Variants in GAA observed in about 807,000 individuals in gnomAD.
GAA encodes lysosomal alpha-glucosidase.
In GAA, 88 loss-of-function variants were observed where a neutral mutation model predicts 103.9. That is an observed-to-expected ratio of 0.85 (90% CI 0.71 to 1.01). GAA has a LOEUF of 1.01. GAA is among the 50% of genes least tolerant of loss of function. The pLI is 0.00. For missense variants in GAA, 1,350 were observed against 1,305.3 expected, an observed-to-expected ratio of 1.03 and a Z score of -0.53; for synonymous variants, 572 against 563.1, an observed-to-expected ratio of 1.02 and a Z score of -0.22.
Position 80,108,439 on chromosome 17 carries a change from G to A in GAA, c.1075+30G>A, listed in dbSNP as rs555049096. On this transcript the variant is annotated intron_variant, in intron 6 of 19. Transcript: ENST00000302262. The stretch of plus-strand genomic sequence containing the variant: ...GGCCTGCTCCCTGGCCGCGGCCCCC[G>A]CCCCAAGGCTCCCTCCTCCCTCCCT... The A allele has an allele frequency of 6.0e-5, 97 of 1,613,146 alleles. No homozygotes were observed. In the East Asian group the frequency reaches 1.1e-3, roughly 19 times the overall value.
At position 80,108,732 on chromosome 17, in the gene GAA, C is replaced by T. The variant is rs746340075; in HGVS notation, c.1230C>T (p.Ser410=). 6.2e-7 allele frequency: 1 copy of T among 1,612,452 alleles called. No individual in the cohort carries two copies. Among genetic ancestry groups the T allele is most frequent in the Non-Finnish European group, 8.5e-7 (1 of 1,179,806 alleles). The change falls in exon 8 of 20, where the codon TCC becomes TCT. Residue 410 remains serine (S), a synonymous_variant. Coordinates refer to ENST00000302262, the MANE Select transcript of GAA (RefSeq NM_000152.5). ...GGAACGACCTGGACTACATGGACTC[C>T]CGGAGGGACTTCACGTTCAACAAGG... is the stretch of plus-strand genomic sequence containing the variant. ...VQWNDLDYMD[S]RRDFTFNKDG...
In GAA at chr17:80,113,344, G is replaced by A. The variant is rs767247397; in HGVS notation, c.2167G>A (p.Val723Met). 3 of 1,588,950 alleles carry A rather than the reference G, an allele frequency of 1.9e-6. No homozygotes were observed. The highest frequency in any genetic ancestry group is 2.6e-6 in the Non-Finnish European group (3 of 1,166,758). ...CCAGGCCCACGTCGCGGGGGAGACC[G>A]TGGCCCGGCCCCTCTTCCTGGAGTG... ...FHQAHVAGET[V>M]ARPLFLEFPK... Residue 723 changes from valine (V) to methionine (M), a missense_variant, in exon 15 of 20, where the codon GTG becomes ATG. Transcript: ENST00000302262.
In GAA at chr17:80,108,167, C is replaced by T. The variant is rs2039139009; in HGVS notation, c.956-123C>T. 3.2e-6 allele frequency: 5 copies of T among 1,542,904 alleles called. No homozygotes were observed. The South Asian group carries it at 5.6e-5, about 17-fold the overall frequency. On this transcript the variant is annotated intron_variant, in intron 5 of 19. Transcript: ENST00000302262. The stretch of plus-strand genomic sequence containing the variant: ...TCAGGCTTAGCACGGCTTCCCCAGG[C>T]CACTCTGAGCTCCTCGTGGGGAGAG...
chr17:80,105,733 C>G lies in GAA; in HGVS notation c.547-16C>G. 3 of 1,611,530 alleles carry G rather than the reference C, an allele frequency of 1.9e-6. No individual in the cohort carries two copies. In the Admixed American group the frequency reaches 5.0e-5, roughly 27 times the overall value. ...GGTGGCTGTGGGGAACATCAATAAA[C>G]CCCCATCTCTTCTAGATCAAAGATC... is the stretch of plus-strand genomic sequence containing the variant. On this transcript the variant is annotated splice_polypyrimidine_tract_variant and intron_variant, in intron 2 of 19. Coordinates refer to ENST00000302262, the MANE Select transcript of GAA (RefSeq NM_000152.5).
At chr17:80,117,229 G>A (rs116940872) in intron 16 of GAA, 120 bp downstream of exon 16, 38 of 1,104,310 alleles carry the variant, frequency 3.4e-5, no homozygotes, top group Middle Eastern at 5.6e-4. Flanking sequence ...GTTGAGTCCC[G>A]GCCATGTGCC....
intron 17 of GAA, 67 bp from the exon 18 acceptor site, chr17:80,118,126 C>T (rs182873173): frequency 7.1e-5 from 111 of 1,565,640 alleles, no homozygotes; most frequent in Admixed American, 1.6e-4. Context: ...CTAGCATTCC[C>T]GGGCCCTGGA....
At chr17:80,105,708 G>T (rs753870549) in intron 2 of GAA, 41 bp from the exon 3 acceptor site, 7 of 1,608,632 alleles carry the variant, frequency 4.4e-6, no homozygotes, top group Non-Finnish European at 5.9e-6. Context: ...TGGAGAGTAA[G>T]GTGGCTGTGG....
rs761162129 is a variant in GAA, at chr17:80,119,333, C to T, written c.*2C>T. On this transcript the variant is annotated 3_prime_UTR_variant, in exon 20 of 20. Coordinates refer to ENST00000302262, the MANE Select transcript of GAA (RefSeq NM_000152.5). The stretch of plus-strand genomic sequence containing the variant: ...CAGTTTCTCGTCAGCTGGTGTTAGC[C>T]GGGCGGAGTGTGTTAGTCTCTCCAG... The T allele has an allele frequency of 6.0e-5, 97 of 1,613,298 alleles. 1 individual carries two copies. Among genetic ancestry groups the T allele is most frequent in the Admixed American group, 3.3e-5 (2 of 59,986 alleles).
At chr17:80,116,316 G>C (rs2039351688) in intron 15 of GAA, among the ~76,000 whole-genome samples, 1 of 152,178 alleles carries the variant, frequency 6.6e-6, no homozygotes. Context: ...GATTCACATT[G>C]ATGCGTTAAT....
In GAA at chr17:80,114,425, T is replaced by C. The variant is rs4889966; in HGVS notation, c.2189+1059T>C. Reference sequence around the variant, plus strand: ...TTGTTGTTTCTGTCACTACACTTTTTTTTTTTTTTTTTTAGTGGTTGCCCT... The same window carrying C: ...TTGTTGTTTCTGTCACTACACTTTTCTTTTTTTTTTTTTAGTGGTTGCCCT... On this transcript the variant is annotated intron_variant, in intron 15 of 19. Coordinates refer to ENST00000302262, the MANE Select transcript of GAA (RefSeq NM_000152.5). 1.7e-3 allele frequency among the ~76,000 whole-genome samples: 247 copies of C among 144,180 alleles called. 6 individuals carry two copies. In the East Asian group the frequency reaches 0.039, roughly 23 times the overall value. 94.6% of individuals were successfully genotyped at this position (144,180 alleles called of 152,430 possible).
rs577042191 is a variant in GAA at position 80,113,351 on chromosome 17, G to A, written c.2174G>A (p.Arg725Gln). Residue 725 changes from arginine (R) to glutamine (Q), a missense_variant, in exon 15 of 20, where the codon CGG becomes CAG. By Grantham distance (43) the Arg-to-Gln change is conservative. Coordinates refer to ENST00000302262, the MANE Select transcript of GAA (RefSeq NM_000152.5). ...CACGTCGCGGGGGAGACCGTGGCCC[G>A]GCCCCTCTTCCTGGAGTGAGTGACC... ...QAHVAGETVARPLFLEFPKDS... is the reference protein window; with the variant it reads ...QAHVAGETVAQPLFLEFPKDS... 8.2e-6 allele frequency: 13 copies of A among 1,583,952 alleles called. No individual in the cohort carries two copies. Among genetic ancestry groups the A allele is most frequent in the South Asian group, 8.1e-5 (7 of 86,916 alleles).
At chr17:80,108,235 A>G in intron 5 of GAA, 55 bp from the exon 6 acceptor site, 1 of 1,612,914 alleles carries the variant, frequency 6.2e-7, no homozygotes, top group Admixed American at 1.7e-5. Flanking sequence ...TGTGGGGTGC[A>G]GAGCCCTCCA....
In GAA at chr17:80,108,532, G is replaced by A. The variant is rs763579808; in HGVS notation, c.1119G>A (p.Leu373=). Residue 373 remains leucine (L), a synonymous_variant, in exon 7 of 20, where the codon CTG becomes CTA. Coordinates refer to ENST00000302262, the MANE Select transcript of GAA (RefSeq NM_000152.5). Reference sequence around the variant, plus strand: ...CATACTGGGGCCTGGGCTTCCACCTGTGCCGCTGGGGCTACTCCTCCACCG... The same window carrying A: ...CATACTGGGGCCTGGGCTTCCACCTATGCCGCTGGGGCTACTCCTCCACCG... The part of the protein sequence containing the change: ...MPPYWGLGFH[L]CRWGYSSTAI... 5 of 1,613,004 alleles carry A rather than the reference G, an allele frequency of 3.1e-6. No homozygotes were observed. Among genetic ancestry groups the A allele is most frequent in the South Asian group, 1.1e-5 (1 of 91,058 alleles).
Position 80,111,023 on chromosome 17 carries a change from C to T in GAA, c.1634C>T (p.Pro545Leu), listed in dbSNP as rs121907942. 9.9e-6 allele frequency: 16 copies of T among 1,613,582 alleles called. No homozygotes were observed. The highest frequency in any genetic ancestry group is 2.5e-6 in the Non-Finnish European group (3 of 1,179,946). ...GAGCTGGAGAACCCACCCTACGTGC[C>T]TGGTCAGCTCGCCCCCCACCTACCC... is the stretch of plus-strand genomic sequence containing the variant. ...NNELENPPYV[P>L]GVVGGTLQAA... Residue 545 changes from proline to leucine, a missense_variant and splice_region_variant, in exon 11 of 20, where the codon CCT (proline) becomes CTT (leucine). By Grantham distance (98) the Pro-to-Leu change is moderately conservative (BLOSUM62 -3). Coordinates refer to ENST00000302262, the MANE Select transcript of GAA (RefSeq NM_000152.5).
rs1238024548 is a variant in GAA, at chr17:80,104,882, C to T, written c.296C>T (p.Thr99Ile). Reference sequence around the variant, plus strand: ...GATTGCGCCCCTGACAAGGCCATCACCCAGGAACAGTGCGAGGCCCGCGGC... The same window carrying T: ...GATTGCGCCCCTGACAAGGCCATCATCCAGGAACAGTGCGAGGCCCGCGGC... ...RFDCAPDKAI[T>I]QEQCEARGCC... is the part of the protein sequence containing the mutation. Residue 99 changes from threonine to isoleucine, a missense_variant, in exon 2 of 20, where the codon ACC (threonine) becomes ATC (isoleucine). Transcript: ENST00000302262. This position sits in a 1 kb window ranked among gnomAD's most constrained non-coding sequence, Gnocchi z 4.0. 3.7e-6 allele frequency: 6 copies of T among 1,612,946 alleles called. No homozygotes were observed. The highest frequency in any genetic ancestry group is 2.2e-5 in the East Asian group (1 of 44,854).
intron 13 of GAA, 45 bp downstream of exon 13, chr17:80,112,756 G>T (rs754131892): frequency 3.2e-6 from 5 of 1,587,130 alleles, no homozygotes; most frequent in Non-Finnish European, 3.4e-6. Flanking sequence ...TAGAGCCGGG[G>T]GCCTCTATGG....
At position 80,117,887 on chromosome 17, in the gene GAA, C is replaced by T. The variant is rs1249480826; in HGVS notation, c.2481+138C>T. 19 of 920,898 alleles carry T rather than the reference C, an allele frequency of 2.1e-5. No individual in the cohort carries two copies. The East Asian group carries it at 4.8e-4, about 23-fold the overall frequency. 57.0% of individuals were successfully genotyped at this position (920,898 alleles called of 1,614,324 possible). A position where few individuals can be genotyped will look rare whatever the true frequency, so the allele number is the denominator to read the frequency against. Reference sequence around the variant, plus strand: ...CCCGCAGTGTAGGTTATCAAGGAGCCAGCCAGGCCAGTGAGGTGGGGAGGG... The same window carrying T: ...CCCGCAGTGTAGGTTATCAAGGAGCTAGCCAGGCCAGTGAGGTGGGGAGGG... On this transcript the variant is annotated intron_variant, in intron 17 of 19. Transcript: ENST00000302262.
intron 1 of GAA, chr17:80,102,505 G>C (rs1286839078): frequency 6.6e-6 from 1 of 152,282 alleles, no homozygotes; most frequent in Non-Finnish European, 1.5e-5. Context: ...GCTGGAGATT[G>C]AGTGAATCAC....
At position 80,112,560 on chromosome 17, in the gene GAA, T is replaced by C. The variant is rs201399518; in HGVS notation, c.1755-18T>C. The stretch of plus-strand genomic sequence containing the variant: ...ACCCCGCTCCACACAGCCCTCACGG[T>C]GTCCCCCACCACCCCAGGGCGCTGG... On this transcript the variant is annotated intron_variant, in intron 12 of 19. Coordinates refer to ENST00000302262, the MANE Select transcript of GAA (RefSeq NM_000152.5). 8.3e-4 allele frequency: 1,346 copies of C among 1,612,844 alleles called. 1 individual carries two copies. The highest frequency in any genetic ancestry group is 1.7e-3 in the Admixed American group (101 of 60,008).
Sources: gnomAD v4.1 joint callset for allele counts (sites outside exome capture counted in the v4.1 genomes callset) on GRCh38, gnomAD v4.1.1 for gene constraint, Gnocchi (gnomAD v3.1) non-coding constraint, MANE v1.5 for transcripts, NCBI Gene and HGNC (gene_info 2026-07-23, HGNC 2026-07-21) for gene names.